The following SGIP1 variants were observed in gnomAD, a reference collection of about 807,000 sequenced individuals.
SGIP1 encodes SH3-containing GRB2-like protein 3-interacting protein 1.
A neutral mutation model predicts 107.5 loss-of-function variants in SGIP1; 38 were observed. The ratio of observed to expected loss-of-function variants is 0.35; its 90% CI spans 0.27 to 0.46. SGIP1 has a LOEUF of 0.46. Ranked by LOEUF, SGIP1 falls within the 20% of genes least tolerant of loss-of-function variation. The pLI is 1.00. For missense variants in SGIP1, 929 were observed against 1,019.5 expected, an observed-to-expected ratio of 0.91 and a Z score of 1.21; for synonymous variants, 365 against 366.1, an observed-to-expected ratio of 1.00 and a Z score of 0.03.
intron 5 of SGIP1, among the ~76,000 whole-genome samples, chr1:66,642,533 T>C (rs2076975538): frequency 1.3e-5 from 2 of 152,204 alleles, no homozygotes; most frequent in Non-Finnish European, 2.9e-5. Flanking sequence ...CTTAGCACAG[T>C]CCTTGGCTTA....
At chr1:66,684,207 T>C in intron 15 of SGIP1, 7 of 1,550,580 alleles carry the variant, frequency 4.5e-6, no homozygotes, top group Middle Eastern at 1.7e-4. Context: ...AGCTGGAGCC[T>C]ATGTTGTTAA....
At chr1:66,717,338 C>T (rs1424947505) in intron 18 of SGIP1, among the ~76,000 whole-genome samples, 2 of 152,048 alleles carry the variant, frequency 1.3e-5, no homozygotes, top group East Asian at 3.9e-4. Flanking sequence ...TGAACAACAC[C>T]ATTACAAAAT....
At chr1:66,648,059 G>A (rs1336505600) in intron 7 of SGIP1, among the ~76,000 whole-genome samples, 1 of 152,158 alleles carries the variant, frequency 6.6e-6, no homozygotes, top group Non-Finnish European at 1.5e-5. Context: ...AACAGCCTGA[G>A]CTGATCCCAG....
intron 15 of SGIP1, among the ~76,000 whole-genome samples, chr1:66,683,837 G>A (rs2087493668): frequency 6.7e-6 from 1 of 149,372 alleles, no homozygotes; most frequent in Non-Finnish European, 1.5e-5. Context: ...CTGAGTAGCT[G>A]GGATTATAGG....
intron 15 of SGIP1, 101 bp from the exon 16 acceptor site, chr1:66,689,047 C>CA (rs35898963): frequency 0.021 from 24,883 of 1,210,838 alleles, 31 homozygotes; most frequent in Non-Finnish European, 0.022. Flanking sequence ...ACTGCCAAGG[C>CA]AAAAAAAAAA....
At chr1:66,568,282 A>G (rs2059925315) in intron 1 of SGIP1, among the ~76,000 whole-genome samples, 1 of 151,972 alleles carries the variant, frequency 6.6e-6, no homozygotes, top group Non-Finnish European at 1.5e-5. Context: ...ATGGGAGTTC[A>G]TTTATGATTT....
At chr1:66,574,028 T>C (rs4655624) in intron 1 of SGIP1, among the ~76,000 whole-genome samples, 23,460 of 152,136 alleles carry the variant, frequency 0.15, 2,370 homozygotes, top group East Asian at 0.45. Flanking sequence ...CCAAACCTTA[T>C]AGTGGCTTCA....
chr1:66,594,349 C>T (rs2064209228), intron 1 of SGIP1, among the ~76,000 whole-genome samples: 2 of 152,186 alleles, frequency 1.3e-5, no homozygotes, highest in Admixed American at 1.3e-4. Context: ...TTGTTATTAA[C>T]ATTAACTTAC....
intron 18 of SGIP1, among the ~76,000 whole-genome samples, chr1:66,710,087 C>T (rs1408050623): frequency 1.3e-5 from 2 of 151,836 alleles, no homozygotes; most frequent in African/African-American, 2.4e-5. Flanking sequence ...TATGTAGTAA[C>T]TTTATTTTGA....
chr1:66,616,279 T>A (rs934976174), intron 1 of SGIP1, among the ~76,000 whole-genome samples: 1 of 152,128 alleles, frequency 6.6e-6, no homozygotes, highest in African/African-American at 2.4e-5. Context: ...AATTTTGATG[T>A]CATATTTTAT....
intron 2 of SGIP1, among the ~76,000 whole-genome samples, chr1:66,629,292 A>G (rs1046003571): frequency 6.6e-6 from 1 of 152,184 alleles, no homozygotes; most frequent in Non-Finnish European, 1.5e-5. Context: ...ACAGCAGCTG[A>G]TAGAGGAAGG....
intron 1 of SGIP1, among the ~76,000 whole-genome samples, chr1:66,579,248 C>A (rs1026328386): frequency 6.6e-6 from 1 of 152,084 alleles, no homozygotes; most frequent in Admixed American, 6.5e-5. Context: ...TGCTGTTTCC[C>A]GAAGCTACAT....
intron 19 of SGIP1, among the ~76,000 whole-genome samples, chr1:66,721,661 G>C (rs1388972688): frequency 2.0e-5 from 3 of 152,006 alleles, no homozygotes; most frequent in African/African-American, 7.2e-5. Context: ...TGCCCACCTT[G>C]GCCTCCCAAA....
rs2094560645 is a variant in SGIP1, at chr1:66,746,949, T to C, written c.*3854T>C. ...TATTAATGTTTTGTATCATCACTTA[T>C]TAATGATTTTGGCTTGGTCACCACT... On this transcript the variant is annotated 3_prime_UTR_variant, in exon 25 of 25. Transcript: ENST00000371037. 1 of 152,136 alleles carries C rather than the reference T, an allele frequency of 6.6e-6. No homozygotes were observed. 9.4% of individuals were successfully genotyped at this position (152,136 alleles called of 1,614,324 possible).
intron 21 of SGIP1, 126 bp downstream of exon 21, chr1:66,734,006 T>C (rs940465171): frequency 6.0e-5 from 63 of 1,056,014 alleles, no homozygotes; most frequent in Non-Finnish European, 7.5e-5. Context: ...ATAACTCATT[T>C]TTTTAAATGG....
At chr1:66,652,535 C>A (rs1017312311) in intron 7 of SGIP1, among the ~76,000 whole-genome samples, 2 of 152,092 alleles carry the variant, frequency 1.3e-5, no homozygotes, top group Admixed American at 1.3e-4. Flanking sequence ...ATTTGCAATG[C>A]ATAACTTTTT....
At chr1:66,696,881 T>TA (rs1261116130) in intron 18 of SGIP1, among the ~76,000 whole-genome samples, 7 of 152,230 alleles carry the variant, frequency 4.6e-5, no homozygotes, top group African/African-American at 1.7e-4. Flanking sequence ...AGGTATTTTT[T>TA]ACTAATCAGC....
At chr1:66,721,992 T>C (rs2093559800) in intron 19 of SGIP1, among the ~76,000 whole-genome samples, 1 of 152,134 alleles carries the variant, frequency 6.6e-6, no homozygotes, top group Non-Finnish European at 1.5e-5. Flanking sequence ...AGACCCTCCA[T>C]GATCTGCCCT....
At position 66,675,541 on chromosome 1, in the gene SGIP1, C is replaced by CTTTT. The variant is rs71242802; in HGVS notation, c.647-1448_647-1445dup. On this transcript the variant is annotated intron_variant, in intron 12 of 24. Transcript: ENST00000371037. ...GTTGTTTTTCTTTTTCTTTTTCTTT[C>CTTTT]TTTTTTTTTTTTTTTTTTGACAGAA... Among the ~76,000 whole-genome samples, 101 of 112,348 alleles carry CTTTT rather than the reference C, an allele frequency of 9.0e-4. 4 individuals are homozygous for CTTTT. The highest frequency in any genetic ancestry group is 1.3e-3 in the East Asian group (5 of 3,866). 73.7% of individuals were successfully genotyped at this position (112,348 alleles called of 152,430 possible).
Sources: gnomAD v4.1 joint callset for allele counts (sites outside exome capture counted in the v4.1 genomes callset) on GRCh38, gnomAD v4.1.1 for gene constraint, MANE v1.5 for transcripts, NCBI Gene and HGNC (gene_info 2026-07-23, HGNC 2026-07-21) for gene names.